Variants in PRELID2 observed in about 807,000 individuals in gnomAD.
PRELID2 encodes PRELI domain containing 2.
Under a neutral mutation model 28.4 loss-of-function variants are expected in PRELID2, and 25 were observed. The observed-to-expected ratio is 0.88, with a 90% CI of 0.64 to 1.23. PRELID2 has a LOEUF of 1.23. Ranked by LOEUF, PRELID2 falls within the 50% of genes most tolerant of loss-of-function variation. The probability of loss-of-function intolerance (pLI) is 0.00; values close to 1 mark genes in which losing one functional copy is unlikely to be tolerated. For synonymous variants in PRELID2, 76 were observed against 71.6 expected (o/e 1.06, Z -0.31); for missense variants, 201 against 214.4 (o/e 0.94, Z 0.39).
At position 145,475,280 on chromosome 5, in the gene PRELID2, C is replaced by T. The variant is rs187488790; in HGVS notation, n.71-1965G>A. ...TCTAACATTCCTTGAAATAGAAACTCTTCCCAGTTGCTTTATTTGGTTTTA... is the reference window on the plus strand; with the variant it reads ...TCTAACATTCCTTGAAATAGAAACTTTTCCCAGTTGCTTTATTTGGTTTTA... On this transcript the variant is annotated intron_variant and non_coding_transcript_variant, in intron 1 of 2. Transcript: ENST00000510259. 2.0e-5 allele frequency among the ~76,000 whole-genome samples: 3 copies of T among 152,324 alleles called. No individual in the cohort carries two copies. In the East Asian group the frequency reaches 5.8e-4, roughly 29 times the overall value.
At chr5:145,751,923 A>C (rs1287075222), downstream of PRELID2, among the ~76,000 whole-genome samples, 1 of 152,204 alleles carries the variant, frequency 6.6e-6, no homozygotes, top group Admixed American at 6.5e-5. Flanking sequence ...CAGAGGTTGC[A>C]GTGAGCTGAG....
At chr5:145,526,664 A>C (rs553473121) in intron 1 of PRELID2, among the ~76,000 whole-genome samples, 1 of 152,262 alleles carries the variant, frequency 6.6e-6, no homozygotes, top group Non-Finnish European at 1.5e-5. Context: ...AAACTAGATC[A>C]TGGGAGACAT....
At chr5:145,317,305 T>A in the PRELID2 span, among the ~76,000 whole-genome samples, 4 of 152,326 alleles carry the variant, frequency 2.6e-5, no homozygotes, top group Non-Finnish European at 4.4e-5. Flanking sequence ...GTTGCCATCA[T>A]ATGAAAAGGG....
At chr5:145,681,526 C>T (rs1754936062) in intron 1 of PRELID2, among the ~76,000 whole-genome samples, 1 of 152,156 alleles carries the variant, frequency 6.6e-6, no homozygotes, top group Non-Finnish European at 1.5e-5. Flanking sequence ...CTTTCTTAAC[C>T]TCTTCAAGTC....
intron 1 of PRELID2, among the ~76,000 whole-genome samples, chr5:145,563,566 T>C (rs1053735657): frequency 6.6e-6 from 1 of 152,190 alleles, no homozygotes; most frequent in Non-Finnish European, 1.5e-5. Flanking sequence ...GGTTGCACAG[T>C]AACCAACAGC....
chr5:145,258,612 A>G, the PRELID2 span, among the ~76,000 whole-genome samples: 1 of 152,340 alleles, frequency 6.6e-6, no homozygotes, highest in South Asian at 2.1e-4. Context: ...AAAGCATTCA[A>G]GATGTCACCT....
chr5:145,282,565 G>T, the PRELID2 span, among the ~76,000 whole-genome samples: 1 of 151,178 alleles, frequency 6.6e-6, no homozygotes, highest in Non-Finnish European at 1.5e-5. Flanking sequence ...AGCTGCCCAG[G>T]CTGGAGTACA....
At chr5:145,292,230 A>G in the PRELID2 span, among the ~76,000 whole-genome samples, 14 of 152,308 alleles carry the variant, frequency 9.2e-5, no homozygotes, top group Non-Finnish European at 1.5e-4. Context: ...AGAAAAATAC[A>G]TATTATGAAT....
chr5:145,702,993 T>C (rs1435522087), intron 1 of PRELID2, among the ~76,000 whole-genome samples: 1 of 152,186 alleles, frequency 6.6e-6, no homozygotes. Context: ...AATAAAGCAA[T>C]TACTCAACTC....
chr5:145,339,166 A>G, the PRELID2 span, among the ~76,000 whole-genome samples: 1 of 152,246 alleles, frequency 6.6e-6, no homozygotes. Flanking sequence ...CAGCCAGTAC[A>G]TGCCTCTGAC....
chr5:145,731,726 G>A (rs963394548), intron 1 of PRELID2, among the ~76,000 whole-genome samples: 16 of 152,054 alleles, frequency 1.1e-4, no homozygotes, highest in South Asian at 2.1e-4. Flanking sequence ...AAATACCTGC[G>A]CCTCTTTCTA....
At chr5:145,623,692 G>A (rs573560508) in intron 1 of PRELID2, among the ~76,000 whole-genome samples, 5 of 152,224 alleles carry the variant, frequency 3.3e-5, no homozygotes, top group South Asian at 2.1e-4. Flanking sequence ...GTGGATCATC[G>A]TGGAAAGCAA....
chr5:145,280,366 T>A, the PRELID2 span, among the ~76,000 whole-genome samples: 1 of 152,112 alleles, frequency 6.6e-6, no homozygotes, highest in Admixed American at 6.6e-5. Context: ...TCTTTGCTCA[T>A]GTTGTTAAAA....
At chr5:145,460,507 C>T in the PRELID2 span, among the ~76,000 whole-genome samples, 1 of 152,156 alleles carries the variant, frequency 6.6e-6, no homozygotes, top group Non-Finnish European at 1.5e-5. Flanking sequence ...ACATACTCTA[C>T]CCTGGCCCTA....
At chr5:145,547,215 A>C (rs1580974062) in intron 1 of PRELID2, among the ~76,000 whole-genome samples, 1 of 152,190 alleles carries the variant, frequency 6.6e-6, no homozygotes, top group Admixed American at 6.5e-5. Flanking sequence ...TATTCATTAT[A>C]ACCAAATTTT....
At chr5:145,437,041 A>C in the PRELID2 span, 1 of 152,190 alleles carries the variant, frequency 6.6e-6, no homozygotes, top group Non-Finnish European at 1.5e-5. Flanking sequence ...TTTGCACACC[A>C]ACCACAGAAC....
chr5:145,367,794 C>T, the PRELID2 span, among the ~76,000 whole-genome samples: 12 of 151,930 alleles, frequency 7.9e-5, no homozygotes, highest in South Asian at 1.2e-3. Context: ...TAGCGCATGT[C>T]TTTTGAATAA....
At chr5:145,255,816 C>A in the PRELID2 span, among the ~76,000 whole-genome samples, 1 of 149,700 alleles carries the variant, frequency 6.7e-6, no homozygotes, top group Admixed American at 6.6e-5. Context: ...AACTTAAACA[C>A]AGAGAGAGTA....
At chr5:145,365,730 G>A in the PRELID2 span, among the ~76,000 whole-genome samples, 1 of 151,904 alleles carries the variant, frequency 6.6e-6, no homozygotes, top group African/African-American at 2.4e-5. Flanking sequence ...AACTGATGGA[G>A]TGGCCTAGAT....
Sources: allele counts gnomAD v4.1 joint callset (sites outside exome capture counted in the v4.1 genomes callset), GRCh38; gene constraint gnomAD v4.1.1; transcripts MANE v1.5; gene names NCBI Gene and HGNC (gene_info 2026-07-23, HGNC 2026-07-21).